The following TMEM247 variants were observed in gnomAD, a reference collection of about 807,000 sequenced individuals.
TMEM247 encodes transmembrane protein ENSP00000343375.
Under a neutral mutation model 20.7 loss-of-function variants are expected in TMEM247, and 23 were observed. That is an observed-to-expected ratio of 1.11 (90% confidence interval 0.80 to 1.57). The LOEUF is 1.57. Ranked by LOEUF, TMEM247 falls within the 40% of genes most tolerant of loss-of-function variation. The pLI is 0.00. For missense variants in TMEM247, 354 were observed against 283.8 expected, an observed-to-expected ratio of 1.25 and a Z score of -1.78; for synonymous variants, 106 against 111.9, an observed-to-expected ratio of 0.95 and a Z score of 0.33.
chr2:46,479,812 G>C (rs138195480), intron 1 of TMEM247, 110 bp downstream of exon 1: 2 of 769,196 alleles, frequency 2.6e-6, no homozygotes, highest in East Asian at 5.4e-5. Flanking sequence ...AACATCAGGT[G>C]ACATGTACCC....
chr2:46,479,849 A>G, intron 1 of TMEM247, 147 bp downstream of exon 1: 2 of 634,056 alleles, frequency 3.2e-6, no homozygotes, highest in Non-Finnish European at 5.6e-6. Context: ...ACCAGCTGTC[A>G]CCAGGGACCA....
At position 46,480,405 on chromosome 2, in the gene TMEM247, G is replaced by T; in HGVS notation, c.118G>T (p.Glu40Ter). 6.5e-7 allele frequency: 1 copy of T among 1,540,182 alleles called. No homozygotes were observed. The change falls in exon 2 of 3, where the codon GAG becomes TAG. Residue 40 changes from glutamate (E) to a stop codon, truncating the protein, a stop_gained and splice_region_variant. Coordinates refer to ENST00000434431, the Ensembl canonical transcript of TMEM247. LOFTEE classifies it high-confidence loss of function. ...CCCCTCCCTGCTTCCCCTACGCCAG[G>T]AGGCAGAGTCCCAGAAGCCAGACTC...
intron 1 of TMEM247, 87 bp from the exon 2 acceptor site, chr2:46,480,318 C>T: frequency 7.3e-7 from 1 of 1,365,328 alleles, no homozygotes; most frequent in Non-Finnish European, 9.7e-7. Flanking sequence ...TCCACTGCGG[C>T]CTGGGGCTGC....
chr2:46,480,329 G>C (rs141185381), intron 1 of TMEM247, 76 bp from the exon 2 acceptor site: 1 of 1,424,162 alleles, frequency 7.0e-7, no homozygotes, highest in Non-Finnish European at 9.2e-7. Context: ...CTGGGGCTGC[G>C]GGAGTTCCAT....
exon 3 of TMEM247, chr2:46,484,255 C>A: frequency 1.3e-6 from 2 of 1,549,626 alleles, no homozygotes; most frequent in Non-Finnish European, 1.7e-6. Context: ...TTTCAGGAGG[C>A]CTCCAGAACT....
chr2:46,480,105 G>T (rs1356030607), intron 1 of TMEM247, among the ~76,000 whole-genome samples: 4 of 152,158 alleles, frequency 2.6e-5, no homozygotes, highest in African/African-American at 9.7e-5. Flanking sequence ...GATGGGCCCG[G>T]AAGTTGCCTC....
At chr2:46,481,389 G>T (rs1421309342) in intron 2 of TMEM247, among the ~76,000 whole-genome samples, 1 of 152,214 alleles carries the variant, frequency 6.6e-6, no homozygotes, top group African/African-American at 2.4e-5. Context: ...AGATTAAATG[G>T]GATGTGAAGA....
chr2:46,484,143 A>C, intron 2 of TMEM247, 101 bp from the exon 3 acceptor site: 1 of 1,034,346 alleles, frequency 9.7e-7, no homozygotes, highest in Admixed American at 3.0e-5. Flanking sequence ...GAAGATGATG[A>C]CTTGAGGTCA....
exon 2 of TMEM247, chr2:46,480,565 C>T: frequency 6.4e-7 from 1 of 1,551,670 alleles, no homozygotes; most frequent in Non-Finnish European, 8.7e-7. Flanking sequence ...GCAGAGCTGC[C>T]CCCGACCCCT....
intron 2 of TMEM247, among the ~76,000 whole-genome samples, chr2:46,482,938 C>A (rs1686916818): frequency 2.0e-5 from 3 of 152,172 alleles, no homozygotes; most frequent in African/African-American, 7.2e-5. Flanking sequence ...TACAAAAGTG[C>A]TTACTTTTTG....
intron 2 of TMEM247, among the ~76,000 whole-genome samples, chr2:46,481,505 A>G (rs1480953675): frequency 6.6e-6 from 1 of 152,232 alleles, no homozygotes; most frequent in Non-Finnish European, 1.5e-5. Flanking sequence ...TTAAAATGCC[A>G]GTTATAAACT....
At chr2:46,481,852 T>C (rs1350467114) in intron 2 of TMEM247, among the ~76,000 whole-genome samples, 1 of 152,224 alleles carries the variant, frequency 6.6e-6, no homozygotes, top group Non-Finnish European at 1.5e-5. Context: ...ATTGCTGTAA[T>C]TGTTGAGGAG....
At chr2:46,480,316 G>A (rs917392074) in intron 1 of TMEM247, 89 bp from the exon 2 acceptor site, 9 of 1,373,172 alleles carry the variant, frequency 6.6e-6, no homozygotes, top group Admixed American at 5.6e-5. Context: ...AGTCCACTGC[G>A]GCCTGGGGCT....
rs755152992 is a variant in TMEM247 at position 46,479,642 on chromosome 2, G to A, written c.57G>A (p.Pro19=). Reference sequence around the variant, plus strand: ...CCCGGGGTGCGGGAGAAAGTTGCCCGACCTTCCCCAAGATGGTGCCTGGTG... The same window carrying A: ...CCCGGGGTGCGGGAGAAAGTTGCCCAACCTTCCCCAAGATGGTGCCTGGTG... The change falls in exon 1 of 3, where the codon CCG becomes CCA. Residue 19 remains proline (P), a synonymous_variant. Coordinates refer to ENST00000434431, the Ensembl canonical transcript of TMEM247. The A allele has an allele frequency of 1.5e-5, 23 of 1,551,598 alleles. No individual in the cohort carries two copies. In the Admixed American group the frequency reaches 1.8e-4, roughly 12 times the overall value.
At chr2:46,484,052 A>C (rs1394473887) in intron 2 of TMEM247, among the ~76,000 whole-genome samples, 192 bp from the exon 3 acceptor site, 1 of 152,088 alleles carries the variant, frequency 6.6e-6, no homozygotes, top group Non-Finnish European at 1.5e-5. Context: ...TGGCCTCCCC[A>C]AGTACTGGGA....
chr2:46,479,842 A>G (rs1015381030), intron 1 of TMEM247, 140 bp downstream of exon 1: 9 of 643,662 alleles, frequency 1.4e-5, no homozygotes, highest in Non-Finnish European at 2.2e-5. Context: ...AACTGGCACC[A>G]GCTGTCACCA....
At chr2:46,481,696 A>G (rs977042639) in intron 2 of TMEM247, among the ~76,000 whole-genome samples, 3 of 152,224 alleles carry the variant, frequency 2.0e-5, no homozygotes, top group Non-Finnish European at 2.9e-5. Context: ...ATTTTTATGT[A>G]CTCATGCAAT....
At chr2:46,480,662 C>CGAGCGG in exon 2 of TMEM247, 2 of 1,122,060 alleles carry the variant, frequency 1.8e-6, no homozygotes, top group Non-Finnish European at 2.3e-6. Context: ...ATGAGAAGAA[C>CGAGCGG]CAGCGGCAGC....
Position 46,484,240 on chromosome 2 carries a change from A to T in TMEM247, c.478-4A>T. On this transcript the variant is annotated splice_polypyrimidine_tract_variant and splice_region_variant and intron_variant, in intron 2 of 2. Transcript: ENST00000434431. ...TCATCTCCACTGTCTTCTCTCCCCC[A>T]CAGTTTTCAGGAGGCCTCCAGAACT... The T allele has an allele frequency of 6.5e-7, 1 of 1,545,552 alleles. No homozygotes were observed.
Sources: gnomAD v4.1 joint callset for allele counts (sites outside exome capture counted in the v4.1 genomes callset) on GRCh38, gnomAD v4.1.1 for gene constraint, MANE v1.5 for transcripts, NCBI Gene and HGNC (gene_info 2026-07-23, HGNC 2026-07-21) for gene names.